The following FSHR variants were observed in gnomAD, a reference collection of about 807,000 sequenced individuals.
The protein encoded by FSHR is follicle stimulating hormone receptor.
FSHR carries 46 observed loss-of-function variants against 52.1 expected under a neutral mutation model. The observed-to-expected ratio is 0.88, with a 90% CI of 0.70 to 1.13. The LOEUF is 1.13. Ranked by LOEUF, FSHR falls within the 50% of genes most tolerant of loss-of-function variation. The pLI is 0.00. For synonymous variants in FSHR, 399 were observed against 309.6 expected, an observed-to-expected ratio of 1.29 and a Z score of -3.03; for missense variants, 964 against 834.6, an observed-to-expected ratio of 1.16 and a Z score of -1.91.
chr2:49,125,830 G>A (rs563918434), intron 1 of FSHR, among the ~76,000 whole-genome samples: 4 of 152,208 alleles, frequency 2.6e-5, no homozygotes, highest in Non-Finnish European at 5.9e-5. Flanking sequence ...ACTAGCTGTC[G>A]TGGTACAGAT....
At chr2:49,011,007 G>T (rs1667249729) in intron 4 of FSHR, among the ~76,000 whole-genome samples, 1 of 150,866 alleles carries the variant, frequency 6.6e-6, no homozygotes, top group South Asian at 2.1e-4. Context: ...TTTTTGAAGG[G>T]TTTTTTGTGT....
intron 3 of FSHR, among the ~76,000 whole-genome samples, chr2:49,019,353 G>T (rs902724490): frequency 2.0e-5 from 3 of 152,064 alleles, no homozygotes; most frequent in Non-Finnish European, 4.4e-5. Flanking sequence ...TTGAAAAATT[G>T]TTGACCAGTC....
chr2:48,982,922 G>C lies in FSHR; in HGVS notation c.658C>G (p.Pro220Ala). 1.2e-6 allele frequency: 2 copies of C among 1,613,342 alleles called. No homozygotes were observed. The highest frequency in any genetic ancestry group is 1.7e-6 in the Non-Finnish European group (2 of 1,179,270). The change falls in exon 8 of 10, where the codon CCA becomes GCA. Residue 220 changes from proline (P) to alanine (A), a missense_variant. Coordinates refer to ENST00000406846, the MANE Select transcript of FSHR (RefSeq NM_000145.4). Reference protein sequence around the residue: ...PNDVFHGASGPVILDISRTRI... With the variant: ...PNDVFHGASGAVILDISRTRI... ...GGGAAAGCTACTCACAGAATGACTG[G>C]TCCAGAGGCTCCGTGGAAAACATCA...
chr2:49,032,151 GT>G (rs1440043540), intron 2 of FSHR, among the ~76,000 whole-genome samples: 1 of 152,178 alleles, frequency 6.6e-6, no homozygotes, highest in African/African-American at 2.4e-5. Flanking sequence ...AAGGCCCAAC[GT>G]TTAAAGTTTT....
At chr2:49,066,022 G>A (rs1669490677) in intron 2 of FSHR, among the ~76,000 whole-genome samples, 1 of 152,056 alleles carries the variant, frequency 6.6e-6, no homozygotes, top group Non-Finnish European at 1.5e-5. Context: ...GTATTTTTGA[G>A]ATCTTTGATA....
Position 49,154,297 on chromosome 2 carries a change from G to T in FSHR, c.121C>A (p.Pro41Thr). The change falls in exon 1 of 10, where the codon CCT becomes ACT. Residue 41 changes from proline to threonine, a missense_variant. Pro to Thr is a conservative substitution (Grantham distance 38). Coordinates refer to ENST00000406846, the MANE Select transcript of FSHR (RefSeq NM_000145.4). ...ATGGCATTCCTCGGGAGGTCAGAAG[G>T]AATCTCTGTCACCTTGCTCTCTTGG... ...LCQESKVTEIPSDLPRNAIEL... is the reference protein window; with the variant it reads ...LCQESKVTEITSDLPRNAIEL... The T allele has an allele frequency of 1.9e-6, 3 of 1,613,898 alleles. No homozygotes were observed. Among genetic ancestry groups the T allele is most frequent in the South Asian group, 1.1e-5 (1 of 91,068 alleles).
chr2:49,019,680 C>G (rs566348574), intron 3 of FSHR, among the ~76,000 whole-genome samples: 223 of 152,334 alleles, frequency 1.5e-3, no homozygotes, highest in Non-Finnish European at 2.8e-3. Context: ...AGTTATCTAT[C>G]TTGGCCAAGG....
At chr2:48,989,540 C>T (rs922459200) in intron 5 of FSHR, among the ~76,000 whole-genome samples, 4 of 152,090 alleles carry the variant, frequency 2.6e-5, no homozygotes, top group Non-Finnish European at 4.4e-5. Flanking sequence ...CCTTGGCTTC[C>T]GAAAGTACTG....
At chr2:49,000,793 A>G (rs1267802982) in intron 4 of FSHR, among the ~76,000 whole-genome samples, 1 of 152,086 alleles carries the variant, frequency 6.6e-6, no homozygotes, top group African/African-American at 2.4e-5. Context: ...TGCTCCCTCT[A>G]GCTTGGGGAA....
At position 49,053,471 on chromosome 2, in the gene FSHR, A is replaced by G. The variant is rs1558413001; in HGVS notation, c.224+14748T>C. Among the ~76,000 whole-genome samples the G allele has an allele frequency of 3.9e-5, 6 of 152,322 alleles. No homozygotes were observed. The South Asian group carries it at 1.2e-3, about 32-fold the overall frequency. ...TCTTCACACTTTATACCAAGCTGAC[A>G]TATGGCTCCGAAGTAATTAAAGACA... is the stretch of plus-strand genomic sequence containing the variant. On this transcript the variant is annotated intron_variant, in intron 2 of 9. Transcript: ENST00000406846.
intron 4 of FSHR, chr2:49,014,723 T>C: frequency 4.5e-6 from 1 of 223,538 alleles, no homozygotes; most frequent in Non-Finnish European, 9.4e-6. Flanking sequence ...TTTTCAGATA[T>C]GCTATTATTA....
At chr2:49,075,408 G>A (rs1669913397) in intron 1 of FSHR, among the ~76,000 whole-genome samples, 1 of 151,306 alleles carries the variant, frequency 6.6e-6, no homozygotes, top group South Asian at 2.1e-4. Context: ...AAAGAATAAA[G>A]AGAAGAATAA....
At chr2:49,011,616 C>T (rs1667276219) in intron 4 of FSHR, among the ~76,000 whole-genome samples, 1 of 152,004 alleles carries the variant, frequency 6.6e-6, no homozygotes, top group African/African-American at 2.4e-5. Flanking sequence ...TTTGTCTAAA[C>T]ATTTGTTTTA....
intron 4 of FSHR, among the ~76,000 whole-genome samples, chr2:49,015,828 C>G (rs1261792326): frequency 6.6e-6 from 1 of 152,144 alleles, no homozygotes; most frequent in Admixed American, 6.6e-5. Flanking sequence ...CTTGTTTAAG[C>G]ATTTCAAGAA....
intron 1 of FSHR, among the ~76,000 whole-genome samples, chr2:49,135,383 T>A (rs1410447901): frequency 1.3e-5 from 2 of 152,090 alleles, no homozygotes; most frequent in African/African-American, 4.8e-5. Flanking sequence ...ATACATTTTT[T>A]AAAAAAGGAA....
intron 1 of FSHR, 129 bp from the exon 2 acceptor site, chr2:49,068,419 T>G: frequency 1.3e-6 from 1 of 765,744 alleles, no homozygotes; most frequent in Non-Finnish European, 2.3e-6. Context: ...TGAAATTGCT[T>G]TTACATTCTC....
At chr2:49,153,125 G>A (rs1673122618) in intron 1 of FSHR, among the ~76,000 whole-genome samples, 1 of 152,192 alleles carries the variant, frequency 6.6e-6, no homozygotes, top group Non-Finnish European at 1.5e-5. Flanking sequence ...GGTCTGCAAG[G>A]CTGCAACTCA....
chr2:49,076,265 G>A (rs532221623), intron 1 of FSHR, among the ~76,000 whole-genome samples: 31 of 152,204 alleles, frequency 2.0e-4, no homozygotes, highest in Admixed American at 1.8e-3. Context: ...TGGACTTACA[G>A]TTCCACGTGG....
At chr2:48,980,877 A>G (rs1675216808) in intron 8 of FSHR, among the ~76,000 whole-genome samples, 1 of 152,154 alleles carries the variant, frequency 6.6e-6, no homozygotes, top group South Asian at 2.1e-4. Flanking sequence ...TCTCGGGAGC[A>G]GATAGGTTAA....
Sources: allele counts gnomAD v4.1 joint callset (sites outside exome capture counted in the v4.1 genomes callset), GRCh38; gene constraint gnomAD v4.1.1; transcripts MANE v1.5; gene names NCBI Gene and HGNC (gene_info 2026-07-23, HGNC 2026-07-21).